The following DSC2 variants were observed in gnomAD, a reference collection of about 807,000 sequenced individuals.
The protein encoded by DSC2 is desmocollin 2, also known as desmocollin-2.
In DSC2, 51 loss-of-function variants were observed where a neutral mutation model predicts 87.6. The observed-to-expected ratio is 0.58, with a 90% confidence interval of 0.46 to 0.74. DSC2 has a LOEUF of 0.74. Among genes scored for constraint, DSC2 ranks in the 30% least tolerant of loss-of-function variants. The pLI is 0.00. For missense variants in DSC2, 1,066 were observed against 1,089.5 expected, an observed-to-expected ratio of 0.98 and a Z score of 0.30; for synonymous variants, 383 against 393.2, an observed-to-expected ratio of 0.97 and a Z score of 0.31.
chr18:31,088,857 T>C (rs371904578), intron 5 of DSC2, among the ~76,000 whole-genome samples: 5 of 152,050 alleles, frequency 3.3e-5, no homozygotes, highest in East Asian at 3.9e-4. Context: ...ACAGATCTTT[T>C]TGTGCCAACT....
chr18:31,068,209 C>A lies in DSC2; in HGVS notation c.2512G>T (p.Val838Leu). The A allele has an allele frequency of 6.2e-7, 1 of 1,614,062 alleles. No homozygotes were observed. The highest frequency in any genetic ancestry group is 8.5e-7 in the Non-Finnish European group (1 of 1,179,984). The change falls in exon 16 of 16, where the codon GTG becomes TTG. Residue 838 changes from valine to leucine, a missense_variant. Physicochemically the swap from Val to Leu is conservative, Grantham distance 32 (BLOSUM62 1). Transcript: ENST00000280904. Reference sequence around the variant, plus strand: ...TTTTCATCTTGATTACACAGATACACTTTCTGCCAAGGGGAAAAACACAAC... The same window carrying A: ...TTTTCATCTTGATTACACAGATACAATTTCTGCCAAGGGGAAAAACACAAC... ...SFTQPRLGEK[V>L]YLCNQDENHK...
intron 3 of DSC2, chr18:31,091,460 G>A: frequency 2.0e-6 from 1 of 500,252 alleles, no homozygotes; most frequent in East Asian, 5.6e-5. Context: ...CAAAAACATG[G>A]GAGAGAGATA....
In DSC2 at chr18:31,071,622, C is replaced by A. The variant is rs1218967716; in HGVS notation, c.2108G>T (p.Gly703Val). 4.3e-6 allele frequency: 7 copies of A among 1,613,766 alleles called. No homozygotes were observed. The highest frequency in any genetic ancestry group is 5.9e-6 in the Non-Finnish European group (7 of 1,179,832). ...AGACTTACAAAAGAGCAATGCTATGCCCAACAATATTGCAAGGATGGCCCA... is the reference window on the plus strand; with the variant it reads ...AGACTTACAAAAGAGCAATGCTATGACCAACAATATTGCAAGGATGGCCCA... ...GKWAILAILLGIALLFCILFT... is the reference protein window; with the variant it reads ...GKWAILAILLVIALLFCILFT... The change falls in exon 13 of 16, where the codon GGC (glycine) becomes GTC (valine). Residue 703 changes from glycine (G) to valine (V), a missense_variant. Gly to Val is a moderately radical substitution (Grantham distance 109, BLOSUM62 -3). Coordinates refer to ENST00000280904, the MANE Select transcript of DSC2 (RefSeq NM_024422.6).
intron 11 of DSC2, among the ~76,000 whole-genome samples, chr18:31,078,438 T>C (rs777280008): frequency 9.2e-5 from 14 of 152,304 alleles, no homozygotes; most frequent in Middle Eastern, 6.8e-3. Flanking sequence ...CTCAATCACT[T>C]AAACTCCTCT....
intron 11 of DSC2, among the ~76,000 whole-genome samples, chr18:31,076,649 A>G (rs941227330): frequency 6.6e-6 from 1 of 152,224 alleles, no homozygotes; most frequent in Non-Finnish European, 1.5e-5. Context: ...AAAAAAGAGA[A>G]TAGACAGAAT....
chr18:31,059,698 AAT>A lies in DSC2; in HGVS notation c.*8315_*8316del, dbSNP rs1157134575. 2.0e-5 allele frequency: 3 copies of A among 152,214 alleles called. No homozygotes were observed. The highest frequency in any genetic ancestry group is 2.0e-4 in the Admixed American group (3 of 15,274). The allele number at this position is 152,214 out of a possible 1,614,324, so 9.4% of individuals were successfully genotyped here. On this transcript the variant is annotated 3_prime_UTR_variant, in exon 16 of 16. Coordinates refer to ENST00000280904, the MANE Select transcript of DSC2 (RefSeq NM_024422.6). ...TTCATTTACCGAGGATTTATCACTC[AAT>A]ATCTTAGTGTATTACAGATAGTCTC...
At position 31,069,170 on chromosome 18, in the gene DSC2, G is replaced by C; in HGVS notation, c.2251-19C>G. The stretch of plus-strand genomic sequence containing the variant: ...CAGAATACTGAAATGAAAACAATTT[G>C]CATTAGGGATAATACAGAGAGGAAC... On this transcript the variant is annotated intron_variant, in intron 14 of 15. Transcript: ENST00000280904. 1 of 1,613,950 alleles carries C rather than the reference G, an allele frequency of 6.2e-7. No individual in the cohort carries two copies. The highest frequency in any genetic ancestry group is 1.3e-5 in the African/African-American group (1 of 75,026).
Position 31,086,614 on chromosome 18 carries a change from C to T in DSC2, c.904G>A (p.Gly302Ser), listed in dbSNP as rs1349174021. The T allele has an allele frequency of 6.2e-7, 1 of 1,614,086 alleles. No individual in the cohort carries two copies. Among genetic ancestry groups the T allele is most frequent in the Non-Finnish European group, 8.5e-7 (1 of 1,180,000 alleles). The part of the protein sequence containing the change: ...PTLFSMHPTT[G>S]VITTTSSQLD... Reference sequence around the variant, plus strand: ...TGAGATGATGTTGTGGTGATCACGCCTGTAGTTGGATGCATAGAAAATAGG... The same window carrying T: ...TGAGATGATGTTGTGGTGATCACGCTTGTAGTTGGATGCATAGAAAATAGG... The change falls in exon 7 of 16, where the codon GGC (glycine) becomes AGC (serine). Residue 302 changes from glycine to serine, a missense_variant. Gly to Ser is a moderately conservative substitution (Grantham distance 56, BLOSUM62 0). Coordinates refer to ENST00000280904, the MANE Select transcript of DSC2 (RefSeq NM_024422.6).
At chr18:31,078,109 GC>G (rs1394505765) in intron 11 of DSC2, among the ~76,000 whole-genome samples, 1 of 152,182 alleles carries the variant, frequency 6.6e-6, no homozygotes, top group African/African-American at 2.4e-5. Flanking sequence ...GTGAGCACCA[GC>G]CCAAGACAGC....
rs1000372893 is a variant in DSC2, at chr18:31,102,312, G to A, written c.-341C>T. On this transcript the variant is annotated 5_prime_UTR_variant, in exon 1 of 16. Coordinates refer to ENST00000280904, the MANE Select transcript of DSC2 (RefSeq NM_024422.6). ...CGCCACCCTTTTACCTGCGCAAGGT[G>A]TTTCTCACCAGCGGACGCCACCTAT... The A allele has an allele frequency of 2.1e-5, 5 of 242,480 alleles. No homozygotes were observed. The highest frequency in any genetic ancestry group is 1.1e-4 in the African/African-American group (5 of 44,574). The allele number at this position is 242,480 out of a possible 1,614,324, so 15.0% of individuals were successfully genotyped here. A position where few individuals can be genotyped will look rare whatever the true frequency, so the allele number is the denominator to read the frequency against.
In DSC2 at chr18:31,074,775, G is replaced by C. The variant is rs377384219; in HGVS notation, c.1796C>G (p.Pro599Arg). The C allele has an allele frequency of 1.9e-6, 3 of 1,613,932 alleles. No homozygotes were observed. The highest frequency in any genetic ancestry group is 2.5e-6 in the Non-Finnish European group (3 of 1,180,002). ...MSSAEIVAVD[P>R]DEPIHGPPFD... ...GGGTGGGCCATGGATAGGCTCATCA[G>C]GATCAACCGCAACAATCTCCGCAGA... The change falls in exon 12 of 16, where the codon CCT (proline) becomes CGT (arginine). Residue 599 changes from proline to arginine, a missense_variant. Pro to Arg is a moderately radical substitution (Grantham distance 103, BLOSUM62 -2). Coordinates refer to ENST00000280904, the MANE Select transcript of DSC2 (RefSeq NM_024422.6).
At chr18:31,073,484 C>T (rs1464295801) in intron 12 of DSC2, among the ~76,000 whole-genome samples, 2 of 152,028 alleles carry the variant, frequency 1.3e-5, no homozygotes, top group Admixed American at 1.3e-4. Context: ...AGTAGTTTAG[C>T]TTATTTCTAT....
At position 31,061,432 on chromosome 18, in the gene DSC2, C is replaced by T. The variant is rs1986498713; in HGVS notation, c.*6583G>A. On this transcript the variant is annotated 3_prime_UTR_variant, in exon 16 of 16. Coordinates refer to ENST00000280904, the MANE Select transcript of DSC2 (RefSeq NM_024422.6). ...GCCATTTCCCATGCACCAACTATCACTCCATACGGAGGCACATCAGTGAGT... is the reference window on the plus strand; with the variant it reads ...GCCATTTCCCATGCACCAACTATCATTCCATACGGAGGCACATCAGTGAGT... 6.6e-6 allele frequency: 1 copy of T among 152,242 alleles called. No homozygotes were observed. The highest frequency in any genetic ancestry group is 2.4e-5 in the African/African-American group (1 of 41,468). The allele number at this position is 152,242 out of a possible 1,614,324, so 9.4% of individuals were successfully genotyped here.
chr18:31,099,483 G>A (rs997997630), intron 1 of DSC2, among the ~76,000 whole-genome samples: 6 of 150,060 alleles, frequency 4.0e-5, no homozygotes, highest in Non-Finnish European at 7.4e-5. Context: ...GTGTTAGGAG[G>A]GTAGATCTCA....
chr18:31,073,615 C>T (rs1382284156), intron 12 of DSC2, among the ~76,000 whole-genome samples: 1 of 152,112 alleles, frequency 6.6e-6, no homozygotes, highest in African/African-American at 2.4e-5. Context: ...GGCTGAAAAA[C>T]ATTCAAGGGC....
chr18:31,073,990 G>A (rs1175592187), intron 12 of DSC2, among the ~76,000 whole-genome samples: 1 of 152,232 alleles, frequency 6.6e-6, no homozygotes. Flanking sequence ...TTGCATCCCA[G>A]CTGCTTGGGA....
intron 5 of DSC2, 52 bp from the exon 6 acceptor site, chr18:31,087,865 G>T: frequency 6.3e-7 from 1 of 1,589,134 alleles, no homozygotes. Flanking sequence ...TTTAAAATGA[G>T]GTATGCTTCA....
At chr18:31,068,239 T>C in intron 15 of DSC2, 27 bp from the exon 16 acceptor site, 1 of 1,612,684 alleles carries the variant, frequency 6.2e-7, no homozygotes, top group Non-Finnish European at 8.5e-7. Flanking sequence ...CACAACGTTT[T>C]TATTATTATT....
chr18:31,077,485 AT>A (rs1343481626), intron 11 of DSC2, among the ~76,000 whole-genome samples: 1 of 152,206 alleles, frequency 6.6e-6, no homozygotes. Context: ...AAATGCTTCA[AT>A]TTCCTTCCAG....
Sources: gnomAD v4.1 joint callset for allele counts (sites outside exome capture counted in the v4.1 genomes callset) on GRCh38, gnomAD v4.1.1 for gene constraint, MANE v1.5 for transcripts, NCBI Gene and HGNC (gene_info 2026-07-23, HGNC 2026-07-21) for gene names.